Variants in ABR observed in about 807,000 individuals in gnomAD.
The protein encoded by ABR is ABR activator of RhoGEF and GTPase.
ABR carries 35 observed loss-of-function variants against 107.2 expected under a neutral mutation model. The observed-to-expected ratio is 0.33, with a 90% CI of 0.25 to 0.43. The LOEUF (loss-of-function observed/expected upper bound fraction) is 0.43, where lower values mean the gene tolerates loss of function less well. ABR is among the 20% of genes least tolerant of loss of function. The pLI, the probability that ABR is intolerant of heterozygous loss-of-function variation, is 1.00. For synonymous variants in ABR, 498 were observed against 462.0 expected (o/e 1.08, Z -1.00); for missense variants, 815 against 1,115.2 (o/e 0.73, Z 3.83).
intron 18 of ABR, 69 bp from the exon 19 acceptor site, chr17:1,012,054 A>G (rs763934504): frequency 1.2e-6 from 2 of 1,600,984 alleles, no homozygotes; most frequent in South Asian, 1.1e-5. Flanking sequence ...ACCCCCACCC[A>G]GCACACACAC....
intron 16 of ABR, 41 bp from the exon 17 acceptor site, chr17:1,013,205 A>G: frequency 6.3e-7 from 1 of 1,595,438 alleles, no homozygotes; most frequent in Non-Finnish European, 8.6e-7. Context: ...GCCAGCTCGG[A>G]GGCCAAGCCA....
chr17:1,205,615 G>T (rs997174038), intron 1 of ABR, among the ~76,000 whole-genome samples: 1 of 152,162 alleles, frequency 6.6e-6, no homozygotes, highest in Non-Finnish European at 1.5e-5. Context: ...TTTGAGACCA[G>T]CCTGGACAAC....
Position 1,057,071 on chromosome 17 carries a change from C to G in ABR, c.1413G>C (p.Glu471Asp). ...DLQAFVLSSV[E>D]LQVLTGSCFK... The stretch of plus-strand genomic sequence containing the variant: ...AACAGGATCCTGTGAGCACCTGGAG[C>G]TCCACTGAGCTCAGGACAAAGGCCT... The change falls in exon 13 of 23, where the codon GAG becomes GAC. Residue 471 changes from glutamate (E) to aspartate (D), a missense_variant. Physicochemically the swap from Glu to Asp is conservative, Grantham distance 45. Transcript: ENST00000302538. 1 of 1,612,694 alleles carries G rather than the reference C, an allele frequency of 6.2e-7. No individual in the cohort carries two copies. Among genetic ancestry groups the G allele is most frequent in the Non-Finnish European group, 8.5e-7 (1 of 1,179,028 alleles).
intron 1 of ABR, among the ~76,000 whole-genome samples, chr17:1,176,254 T>A (rs540074395): frequency 6.6e-6 from 1 of 152,100 alleles, no homozygotes; most frequent in Non-Finnish European, 1.5e-5. Flanking sequence ...CAGGGCCAGG[T>A]TGGGGTCAGA....
intron 2 of ABR, among the ~76,000 whole-genome samples, chr17:1,112,149 C>CCA (rs1250093581): frequency 1.9e-4 from 29 of 152,354 alleles, no homozygotes; most frequent in South Asian, 1.7e-3. Flanking sequence ...TCTTGTCTGT[C>CCA]CATCTGTCTG....
chr17:1,069,908 C>T (rs531878460), intron 9 of ABR, 61 bp downstream of exon 9: 3 of 1,123,118 alleles, frequency 2.7e-6, no homozygotes, highest in Admixed American at 6.0e-5. Flanking sequence ...GACTCGCACA[C>T]TCACCCCGCA....
chr17:1,065,491 T>C lies in ABR; in HGVS notation c.1182+1586A>G, dbSNP rs1386275464. On this transcript the variant is annotated intron_variant, in intron 10 of 22. Transcript: ENST00000302538. ...CATGTTCCTCTAGACGCTGTTGTTA[T>C]GTGAACTGAGGGCTATGCATGTTCC... Among the ~76,000 whole-genome samples the C allele has an allele frequency of 8.3e-5, 10 of 120,872 alleles. 2 individuals carry two copies. Among genetic ancestry groups the C allele is most frequent in the East Asian group, 4.9e-4 (2 of 4,096 alleles). 79.3% of individuals were successfully genotyped at this position (120,872 alleles called of 152,430 possible). A position where few individuals can be genotyped will look rare whatever the true frequency, so the allele number is the denominator to read the frequency against.
At chr17:1,108,857 A>T in intron 2 of ABR, 1 of 1,442,592 alleles carries the variant, frequency 6.9e-7, no homozygotes, top group Non-Finnish European at 9.1e-7. Context: ...CTGCGCCCGC[A>T]TCAGCCATTT....
At chr17:1,109,192 C>T in intron 2 of ABR, 2 of 1,305,790 alleles carry the variant, frequency 1.5e-6, no homozygotes, top group East Asian at 3.1e-5. Flanking sequence ...CGGCCTGGGG[C>T]TCCCGACCCG....
At chr17:1,023,204 C>T (rs1176110806) in intron 16 of ABR, among the ~76,000 whole-genome samples, 1 of 152,234 alleles carries the variant, frequency 6.6e-6, no homozygotes, top group African/African-American at 2.4e-5. Context: ...CCCACGTCCA[C>T]TCCAGAGCCT....
chr17:1,081,500 C>T (rs1253555469), intron 5 of ABR, among the ~76,000 whole-genome samples: 5 of 152,234 alleles, frequency 3.3e-5, no homozygotes, highest in African/African-American at 1.2e-4. Flanking sequence ...CCTCTCTCTG[C>T]ACACTGGGTA....
intron 1 of ABR, among the ~76,000 whole-genome samples, chr17:1,224,956 T>A (rs533299176): frequency 3.0e-3 from 457 of 151,690 alleles, no homozygotes; most frequent in Non-Finnish European, 4.7e-3. Flanking sequence ...GAGATCATCC[T>A]GGCTAACACG....
chr17:1,100,598 G>T, intron 3 of ABR, 39 bp downstream of exon 3: 1 of 1,571,480 alleles, frequency 6.4e-7, no homozygotes, highest in African/African-American at 1.3e-5. Flanking sequence ...CAACACGGGC[G>T]GGGGGACCGG....
chr17:1,138,801 A>T (rs1567815127), intron 1 of ABR, among the ~76,000 whole-genome samples: 1 of 152,230 alleles, frequency 6.6e-6, no homozygotes, highest in Non-Finnish European at 1.5e-5. Context: ...AAAAATTTAA[A>T]ATCTAAGTTG....
intron 2 of ABR, chr17:1,108,825 GGCTTCC>G: frequency 1.0e-6 from 1 of 1,002,468 alleles, no homozygotes; most frequent in Non-Finnish European, 1.3e-6. Flanking sequence ...CTCCGCCGAG[GGCTTCC>G]ACCCGGCCGC....
chr17:1,023,038 C>A (rs907612587), intron 16 of ABR, among the ~76,000 whole-genome samples: 1 of 148,852 alleles, frequency 6.7e-6, no homozygotes, highest in Non-Finnish European at 1.5e-5. Context: ...CACTGCAGAG[C>A]CTCTGCCTGC....
chr17:1,228,165 T>C (rs963826417), intron 1 of ABR: 2 of 152,256 alleles, frequency 1.3e-5, no homozygotes, highest in African/African-American at 4.8e-5. Flanking sequence ...CCCCTTGCCC[T>C]CTTGCTCCCA....
At chr17:1,229,223 C>T (rs1467443849) in exon 1 of ABR, among the ~76,000 whole-genome samples, 1 of 151,680 alleles carries the variant, frequency 6.6e-6, no homozygotes, top group Non-Finnish European at 1.5e-5. Flanking sequence ...CGTCGTCCTC[C>T]CGGGCCCGGA....
rs146820192 is a variant in ABR, at chr17:1,100,648, C to T, written c.334G>A (p.Ala112Thr). The T allele has an allele frequency of 6.2e-7, 1 of 1,614,190 alleles. No individual in the cohort carries two copies. Among genetic ancestry groups the T allele is most frequent in the Non-Finnish European group, 8.5e-7 (1 of 1,180,030 alleles). Residue 112 changes from alanine (A) to threonine (T), a missense_variant, in exon 3 of 23, where the codon GCC (alanine) becomes ACC (threonine). Coordinates refer to ENST00000302538, the MANE Select transcript of ABR (RefSeq NM_021962.5). ...GGGACTGTACTCACCAGCAACAGGG[C>T]TTCCAGCTGGTTAATGTAGATCTCT... ...SEEIYINQLE[A>T]LLLPMKPLKA...
Sources: allele counts gnomAD v4.1 joint callset (sites outside exome capture counted in the v4.1 genomes callset), GRCh38; gene constraint gnomAD v4.1.1; transcripts MANE v1.5; gene names NCBI Gene and HGNC (gene_info 2026-07-23, HGNC 2026-07-21).